ZNF534: variants seen among roughly 807,000 people sequenced by gnomAD.
The protein encoded by ZNF534 is zinc finger protein 534.
A neutral mutation model predicts 13.6 loss-of-function variants in ZNF534; 19 were observed. That is an observed-to-expected ratio of 1.40 (90% CI 0.97 to 2.05). The LOEUF (loss-of-function observed/expected upper bound fraction) is 2.05. Among genes scored for constraint, ZNF534 ranks in the 30% most tolerant of loss-of-function variants. ZNF534 has a pLI of 0.00. For missense variants in ZNF534, 782 were observed against 796.3 expected (o/e 0.98, Z 0.22); for synonymous variants, 244 against 273.8 (o/e 0.89, Z 1.07).
At chr19:52,433,598 C>G (rs943045653) in intron 2 of ZNF534, among the ~76,000 whole-genome samples, 2 of 152,170 alleles carry the variant, frequency 1.3e-5, no homozygotes, top group Non-Finnish European at 2.9e-5. Context: ...GATCTCCTGA[C>G]CTCGTGATCC....
downstream of ZNF534, among the ~76,000 whole-genome samples, chr19:52,446,194 T>G (rs1439226430): frequency 6.6e-6 from 1 of 152,134 alleles, no homozygotes; most frequent in Non-Finnish European, 1.5e-5. Flanking sequence ...TAATGATAAA[T>G]AACAGAAAAA....
intron 1 of ZNF534, among the ~76,000 whole-genome samples, chr19:52,429,928 A>G (rs2059075889): frequency 6.6e-6 from 1 of 151,056 alleles, no homozygotes. Context: ...CTTTTATGGT[A>G]TCTCAGTGCT....
In ZNF534 at chr19:52,451,991, A is replaced by G. The variant is rs548373713; in HGVS notation, c.*494A>G. On this transcript the variant is annotated 3_prime_UTR_variant, in exon 5 of 5. Transcript: ENST00000301085. ...CGAGAAGTCATACCTTTTTCTTAAA[A>G]ACAAAGAGTTTTTGCTTAAAGTGTT... 12 of 309,468 alleles carry G rather than the reference A, an allele frequency of 3.9e-5. No individual in the cohort carries two copies. The South Asian group carries it at 4.7e-4, about 12-fold the overall frequency. 19.2% of individuals were successfully genotyped at this position (309,468 alleles called of 1,614,324 possible). A position where few individuals can be genotyped will look rare whatever the true frequency, so the allele number is the denominator to read the frequency against.
At chr19:52,450,325 C>G (rs1172873755) in intron 4 of ZNF534, among the ~76,000 whole-genome samples, 3 of 152,096 alleles carry the variant, frequency 2.0e-5, no homozygotes, top group African/African-American at 7.2e-5. Context: ...TATGTCAAAC[C>G]ATTCTGATTT....
At chr19:52,451,137 G>T (rs1178322643) in intron 4 of ZNF534, 6 of 604,660 alleles carry the variant, frequency 9.9e-6, no homozygotes, top group Admixed American at 3.0e-5. Flanking sequence ...TTACTTTTTT[G>T]TGTAACCTTT....
At chr19:52,433,136 G>A (rs114344998) in intron 2 of ZNF534, among the ~76,000 whole-genome samples, 1,942 of 150,620 alleles carry the variant, frequency 0.013, 39 homozygotes, top group African/African-American at 0.045. Context: ...CCAGCTACTC[G>A]GGAGGCTTAA....
At chr19:52,433,858 G>A (rs766550199) in intron 2 of ZNF534, 97 bp from the exon 3 acceptor site, 269 of 1,407,866 alleles carry the variant, frequency 1.9e-4, no homozygotes, top group Non-Finnish European at 2.5e-4. Context: ...CGCAGTGCTC[G>A]CTTCAGTGGA....
At chr19:52,434,200 A>G in intron 3 of ZNF534, 119 bp downstream of exon 3, 3 of 1,466,814 alleles carry the variant, frequency 2.0e-6, no homozygotes, top group Non-Finnish European at 2.7e-6. Flanking sequence ...CTGTTGACTA[A>G]GAAATGAAAA....
chr19:52,431,806 C>T (rs1172415299), intron 2 of ZNF534, among the ~76,000 whole-genome samples: 6 of 150,520 alleles, frequency 4.0e-5, no homozygotes, highest in Non-Finnish European at 7.4e-5. Flanking sequence ...CATCTGGATG[C>T]ACTGTGAGTG....
At chr19:52,430,140 C>G (rs1289453994) in intron 1 of ZNF534, among the ~76,000 whole-genome samples, 4 of 150,052 alleles carry the variant, frequency 2.7e-5, no homozygotes, top group Non-Finnish European at 5.9e-5. Context: ...CTCAGTCTCC[C>G]GAGTAGCTGG....
At position 52,437,794 on chromosome 19, in the gene ZNF534, ACTCTT is replaced by A. The variant is rs771879713; in HGVS notation, c.336_340del (p.Leu113ValfsTer5). 6.2e-7 allele frequency: 1 copy of A among 1,610,160 alleles called. No individual in the cohort carries two copies. The highest frequency in any genetic ancestry group is 1.7e-5 in the Admixed American group (1 of 59,720). On this transcript the variant is annotated frameshift_variant, in exon 5 of 5. Transcript: ENST00000433050. LOFTEE classifies it low-confidence loss of function (END_TRUNC). ...GTCACTTAAAAATCAACATGGATTAACTCTTCAGTTACATCTGACTGAATGGCAGC... is the reference window on the plus strand; with the variant it reads ...GTCACTTAAAAATCAACATGGATTAACAGTTACATCTGACTGAATGGCAGC...
At chr19:52,437,351 G>T (rs756765828) in intron 4 of ZNF534, among the ~76,000 whole-genome samples, 1 of 152,178 alleles carries the variant, frequency 6.6e-6, no homozygotes, top group Non-Finnish European at 1.5e-5. Flanking sequence ...AGGCACAGTG[G>T]CTCATGCCTG....
chr19:52,449,160 T>C (rs905948201), intron 4 of ZNF534, among the ~76,000 whole-genome samples: 1 of 152,228 alleles, frequency 6.6e-6, no homozygotes, highest in Non-Finnish European at 1.5e-5. Flanking sequence ...CTTTGACCCA[T>C]GTTGCTGCCG....
At position 52,438,155 on chromosome 19, in the gene ZNF534, A is replaced by T. The variant is rs1364178967; in HGVS notation, c.695A>T (p.His232Leu). 6.2e-7 allele frequency: 1 copy of T among 1,614,156 alleles called. No homozygotes were observed. Among genetic ancestry groups the T allele is most frequent in the South Asian group, 1.1e-5 (1 of 91,090 alleles). ...IFSSNSNFAQ[H>L]QRIHTGEKPY... ...AGTAGCAATTCAAACTTTGCACAAC[A>T]TCAACGAATCCATACTGGAGAGAAG... The change falls in exon 5 of 5, where the codon CAT becomes CTT. Residue 232 changes from histidine to leucine, a missense_variant. By Grantham distance (99) the His-to-Leu change is moderately conservative (BLOSUM62 -3). Around this residue, in one of 5 missense-constraint regions of ZNF534, gnomAD observed 591 missense variants for 574.0 expected, o/e 1.03. Transcript: ENST00000433050.
intron 2 of ZNF534, among the ~76,000 whole-genome samples, chr19:52,433,497 G>A (rs149982938): frequency 0.012 from 1,801 of 152,094 alleles, 37 homozygotes; most frequent in African/African-American, 0.042. Flanking sequence ...CTCCTGAGTA[G>A]CTGGGACTAC....
chr19:52,433,783 A>G, intron 2 of ZNF534, 172 bp from the exon 3 acceptor site: 1 of 747,892 alleles, frequency 1.3e-6, no homozygotes, highest in Middle Eastern at 2.6e-4. Flanking sequence ...CTCCTTATGG[A>G]AAAGTATAAT....
At chr19:52,443,759 C>CA (rs1018182017), downstream of ZNF534, among the ~76,000 whole-genome samples, 3 of 151,190 alleles carry the variant, frequency 2.0e-5, no homozygotes, top group African/African-American at 4.9e-5. Flanking sequence ...CAAAAACAAA[C>CA]AAAAAAAATC....
At chr19:52,434,667 G>A (rs944283575) in intron 3 of ZNF534, among the ~76,000 whole-genome samples, 19 of 149,936 alleles carry the variant, frequency 1.3e-4, no homozygotes, top group Admixed American at 1.1e-3. Flanking sequence ...GGAGGCAGGG[G>A]CTGCAGTGAG....
At chr19:52,436,301 G>T (rs2608488) in intron 4 of ZNF534, among the ~76,000 whole-genome samples, 3 of 151,952 alleles carry the variant, frequency 2.0e-5, no homozygotes, top group Admixed American at 2.0e-4. Flanking sequence ...ATACCTGCTG[G>T]AAAAATACAC....
Sources: allele counts gnomAD v4.1 joint callset (sites outside exome capture counted in the v4.1 genomes callset), GRCh38; gene constraint gnomAD v4.1.1; regional missense constraint gnomAD v4.1.1; transcripts MANE v1.5; gene names NCBI Gene and HGNC (gene_info 2026-07-23, HGNC 2026-07-21).